Variants in OSMR observed in about 807,000 individuals in gnomAD.
The protein encoded by OSMR is oncostatin-M-specific receptor subunit beta.
A neutral mutation model predicts 99.9 loss-of-function variants in OSMR; 81 were observed. The ratio of observed to expected loss-of-function variants is 0.81; its 90% CI spans 0.68 to 0.97. OSMR has a LOEUF of 0.97. Ranked by LOEUF, OSMR falls within the 50% of genes least tolerant of loss-of-function variation. OSMR has a pLI of 0.00. For missense variants in OSMR, 1,099 were observed against 1,153.4 expected, an observed-to-expected ratio of 0.95 and a Z score of 0.68; for synonymous variants, 406 against 410.4, an observed-to-expected ratio of 0.99 and a Z score of 0.13.
chr5:38,929,358 CAGTTT>C (rs1746616621), intron 15 of OSMR, among the ~76,000 whole-genome samples: 1 of 152,102 alleles, frequency 6.6e-6, no homozygotes, highest in Non-Finnish European at 1.5e-5. Flanking sequence ...AGAGGGTAAA[CAGTTT>C]GTTTAAACAT....
intron 7 of OSMR, among the ~76,000 whole-genome samples, chr5:38,894,263 G>A (rs140373487): frequency 4.6e-5 from 7 of 152,034 alleles, no homozygotes; most frequent in South Asian, 4.2e-4. Context: ...TAAAGGAACC[G>A]CAGAATAGAA....
intron 7 of OSMR, among the ~76,000 whole-genome samples, chr5:38,892,065 A>C (rs1744196400): frequency 6.6e-6 from 1 of 152,074 alleles, no homozygotes; most frequent in South Asian, 2.1e-4. Flanking sequence ...AAACTCCCAG[A>C]GGTAGTAAGG....
intron 7 of OSMR, among the ~76,000 whole-genome samples, chr5:38,898,542 A>C (rs1744673823): frequency 6.6e-6 from 1 of 152,170 alleles, no homozygotes; most frequent in Non-Finnish European, 1.5e-5. Flanking sequence ...TTTTGTTTTT[A>C]AATCCATTCA....
intron 1 of OSMR, among the ~76,000 whole-genome samples, chr5:38,943,713 T>C (rs550309626): frequency 6.6e-6 from 1 of 152,220 alleles, no homozygotes; most frequent in African/African-American, 2.4e-5. Flanking sequence ...CTTGGGAGGC[T>C]GAGGCAGGAG....
At chr5:38,894,968 T>A (rs1744406475) in intron 7 of OSMR, among the ~76,000 whole-genome samples, 1 of 145,756 alleles carries the variant, frequency 6.9e-6, no homozygotes, top group Non-Finnish European at 1.5e-5. Context: ...ATAAATCAAG[T>A]CTCAATAAAA....
chr5:38,935,992 A>G (rs558422249), downstream of OSMR, among the ~76,000 whole-genome samples: 2 of 152,366 alleles, frequency 1.3e-5, no homozygotes, highest in African/African-American at 4.8e-5. Context: ...TCATAACCAA[A>G]TAAATTCACG....
At chr5:38,887,095 G>T (rs770633287) in intron 7 of OSMR, among the ~76,000 whole-genome samples, 1 of 152,048 alleles carries the variant, frequency 6.6e-6, no homozygotes, top group Non-Finnish European at 1.5e-5. Context: ...TTTATGAAAA[G>T]CTTATGCAAT....
chr5:38,854,212 C>T (rs997264403), intron 1 of OSMR, among the ~76,000 whole-genome samples: 1 of 152,146 alleles, frequency 6.6e-6, no homozygotes, highest in East Asian at 1.9e-4. Flanking sequence ...AAGACATCAT[C>T]AGGTCACCCA....
At chr5:38,938,615 G>A (rs1056970417), downstream of OSMR, 1 of 232,628 alleles carries the variant, frequency 4.3e-6, no homozygotes, top group Non-Finnish European at 8.5e-6. Flanking sequence ...TCCACATTCT[G>A]TGAGTCATAT....
In OSMR at chr5:38,935,483, G is replaced by GAT. The variant is rs1746973629; in HGVS notation, c.*2042_*2043dup. The GAT allele has an allele frequency of 6.6e-6, 1 of 152,084 alleles. No individual in the cohort carries two copies. The highest frequency in any genetic ancestry group is 2.4e-5 in the African/African-American group (1 of 41,418). 9.4% of individuals were successfully genotyped at this position (152,084 alleles called of 1,614,324 possible). A position where few individuals can be genotyped will look rare whatever the true frequency, so the allele number is the denominator to read the frequency against. ...TATTTATGTACCTTTGTTATGATGGGATATTTTTCATTTGAAACTTGTTCA... is the reference window on the plus strand; with the variant it reads ...TATTTATGTACCTTTGTTATGATGGGATATATTTTTCATTTGAAACTTGTTCA... On this transcript the variant is annotated 3_prime_UTR_variant, in exon 18 of 18. Coordinates refer to ENST00000274276, the MANE Select transcript of OSMR (RefSeq NM_003999.3).
chr5:38,942,141 G>T, intron 1 of OSMR: 1 of 425,846 alleles, frequency 2.3e-6, no homozygotes, highest in Non-Finnish European at 4.3e-6. Context: ...TTTTGGTTAG[G>T]AAAGTCAGCA....
At chr5:38,906,727 AAACTT>A (rs1233465378) in intron 9 of OSMR, among the ~76,000 whole-genome samples, 2 of 152,194 alleles carry the variant, frequency 1.3e-5, no homozygotes, top group Non-Finnish European at 2.9e-5. Flanking sequence ...CTAAAATAAA[AAACTT>A]AAATGTCAAT....
intron 3 of OSMR, among the ~76,000 whole-genome samples, chr5:38,879,403 G>A (rs773279306): frequency 5.3e-5 from 8 of 152,194 alleles, no homozygotes; most frequent in Non-Finnish European, 1.2e-4. Flanking sequence ...GCCGCACAGC[G>A]GAATGTGGTG....
chr5:38,863,112 CA>C (rs2112170155), intron 1 of OSMR, among the ~76,000 whole-genome samples: 1 of 146,476 alleles, frequency 6.8e-6, no homozygotes, highest in African/African-American at 2.5e-5. Flanking sequence ...GAGATGGCAG[CA>C]GTACAGTCCA....
At chr5:38,923,380 A>G in intron 13 of OSMR, 126 bp downstream of exon 13, 2 of 661,758 alleles carry the variant, frequency 3.0e-6, no homozygotes, top group Non-Finnish European at 5.4e-6. Flanking sequence ...TTATTCTAGC[A>G]ATTGGGTTTT....
intron 9 of OSMR, among the ~76,000 whole-genome samples, chr5:38,908,910 A>G (rs1745405617): frequency 6.6e-6 from 1 of 152,212 alleles, no homozygotes; most frequent in Non-Finnish European, 1.5e-5. Context: ...CATCCTAGCA[A>G]TGGTTCTTAA....
intron 1 of OSMR, chr5:38,942,433 AT>A: frequency 1.0e-6 from 1 of 963,098 alleles, no homozygotes; most frequent in Non-Finnish European, 1.5e-6. Context: ...ATGATATAAC[AT>A]ATTTATATAA....
intron 2 of OSMR, chr5:38,944,867 A>G (rs1406277826): frequency 2.6e-6 from 4 of 1,559,348 alleles, no homozygotes; most frequent in Admixed American, 1.7e-5. Context: ...CCAACTAATC[A>G]GAACAGTTTT....
intron 1 of OSMR, among the ~76,000 whole-genome samples, chr5:38,863,888 G>A (rs1374068126): frequency 6.6e-6 from 1 of 151,870 alleles, no homozygotes; most frequent in Admixed American, 6.6e-5. Flanking sequence ...TCTTCTTGCT[G>A]AATTGAGCCC....
Sources: gnomAD v4.1 joint callset for allele counts (sites outside exome capture counted in the v4.1 genomes callset) on GRCh38, gnomAD v4.1.1 for gene constraint, MANE v1.5 for transcripts, NCBI Gene and HGNC (gene_info 2026-07-23, HGNC 2026-07-21) for gene names.